OXR1: variants seen among roughly 807,000 people sequenced by gnomAD.
The protein encoded by OXR1 is oxidation resistance protein 1.
Under a neutral mutation model 104.6 loss-of-function variants are expected in OXR1, and 41 were observed. The ratio of observed to expected loss-of-function variants is 0.39; its 90% CI spans 0.31 to 0.51. OXR1 has a LOEUF of 0.51. Among genes scored for constraint, OXR1 ranks in the 20% least tolerant of loss-of-function variants. OXR1 has a pLI of 0.77. For synonymous variants in OXR1, 348 were observed against 348.4 expected (o/e 1.00, Z 0.01); for missense variants, 955 against 1,031.9 (o/e 0.93, Z 1.02).
chr8:106,350,997 T>C (rs1815701835), intron 1 of OXR1, among the ~76,000 whole-genome samples: 1 of 152,228 alleles, frequency 6.6e-6, no homozygotes, highest in South Asian at 2.1e-4. Context: ...CCATAATTAA[T>C]ATTCAAGTTT....
intron 1 of OXR1, among the ~76,000 whole-genome samples, chr8:106,315,546 T>G (rs886727354): frequency 2.6e-5 from 4 of 152,214 alleles, no homozygotes; most frequent in Non-Finnish European, 5.9e-5. Context: ...GACAATGTTT[T>G]TACTCATTTA....
chr8:106,729,641 C>A (rs1008204438), intron 11 of OXR1, among the ~76,000 whole-genome samples: 1 of 151,816 alleles, frequency 6.6e-6, no homozygotes, highest in African/African-American at 2.4e-5. Context: ...AGTGAAACAT[C>A]TTCTGCTCTC....
chr8:106,342,596 C>G (rs959397139), intron 1 of OXR1, among the ~76,000 whole-genome samples: 1 of 152,002 alleles, frequency 6.6e-6, no homozygotes, highest in African/African-American at 2.4e-5. Flanking sequence ...TTTTCTCTCT[C>G]TACTGGCTCT....
At chr8:106,593,983 G>A (rs575550329) in intron 3 of OXR1, among the ~76,000 whole-genome samples, 7 of 152,210 alleles carry the variant, frequency 4.6e-5, no homozygotes, top group Non-Finnish European at 1.0e-4. Flanking sequence ...GGGAAACAAA[G>A]CGTAGATGAC....
intron 2 of OXR1, among the ~76,000 whole-genome samples, chr8:106,384,778 C>T (rs191936521): frequency 6.7e-6 from 1 of 149,466 alleles, no homozygotes; most frequent in Non-Finnish European, 1.5e-5. Flanking sequence ...GTTGGCCAGG[C>T]TGGAGTGCTC....
chr8:106,526,628 C>T (rs777157878), intron 3 of OXR1, among the ~76,000 whole-genome samples: 60 of 152,146 alleles, frequency 3.9e-4, no homozygotes, highest in Middle Eastern at 3.2e-3. Context: ...CTGCAAGCTC[C>T]GCCTCCCGGG....
intron 1 of OXR1, among the ~76,000 whole-genome samples, chr8:106,295,319 C>T (rs1331929880): frequency 6.6e-6 from 1 of 152,036 alleles, no homozygotes; most frequent in Admixed American, 6.6e-5. Context: ...TAAAAGAGAG[C>T]AACTGGCATG....
At chr8:106,363,704 C>T (rs1445552242) in intron 2 of OXR1, among the ~76,000 whole-genome samples, 1 of 152,048 alleles carries the variant, frequency 6.6e-6, no homozygotes, top group Non-Finnish European at 1.5e-5. Flanking sequence ...CATTGCAGGG[C>T]AGTAGTGTTG....
chr8:106,337,207 C>T (rs978603855), intron 1 of OXR1, among the ~76,000 whole-genome samples: 16 of 151,932 alleles, frequency 1.1e-4, no homozygotes, highest in Non-Finnish European at 2.1e-4. Context: ...TGAGTCAGAA[C>T]AATTTGGAAG....
At chr8:106,662,650 G>T (rs1825876007) in intron 3 of OXR1, among the ~76,000 whole-genome samples, 2 of 152,142 alleles carry the variant, frequency 1.3e-5, no homozygotes, top group Non-Finnish European at 2.9e-5. Context: ...AGGGTACTGA[G>T]GTTCATTAAT....
intron 3 of OXR1, among the ~76,000 whole-genome samples, chr8:106,663,020 C>A (rs1825924646): frequency 6.6e-6 from 1 of 152,036 alleles, no homozygotes. Flanking sequence ...TTGGGATGCT[C>A]AATCAGTAAT....
At chr8:106,302,717 G>A (rs1388913595) in intron 1 of OXR1, among the ~76,000 whole-genome samples, 1 of 152,050 alleles carries the variant, frequency 6.6e-6, no homozygotes, top group African/African-American at 2.4e-5. Flanking sequence ...GGGGAAGAAA[G>A]GGAAAAACAA....
chr8:106,699,603 C>G (rs752821679), intron 7 of OXR1, among the ~76,000 whole-genome samples: 3 of 152,112 alleles, frequency 2.0e-5, no homozygotes, highest in Non-Finnish European at 4.4e-5. Flanking sequence ...AGCATTAGTT[C>G]TTGACTAGAA....
chr8:106,700,833 G>A (rs1830524246), intron 7 of OXR1, among the ~76,000 whole-genome samples: 1 of 152,100 alleles, frequency 6.6e-6, no homozygotes, highest in African/African-American at 2.4e-5. Context: ...TTATGAAATG[G>A]AGAGTAACCT....
chr8:106,617,075 G>A (rs985701600), intron 3 of OXR1, among the ~76,000 whole-genome samples: 1 of 152,208 alleles, frequency 6.6e-6, no homozygotes, highest in African/African-American at 2.4e-5. Context: ...TAAACAGTAA[G>A]TCAGAAGCAG....
At chr8:106,328,539 G>A (rs1256776374) in intron 1 of OXR1, among the ~76,000 whole-genome samples, 2 of 152,206 alleles carry the variant, frequency 1.3e-5, no homozygotes, top group African/African-American at 2.4e-5. Context: ...CGGTCCTGCT[G>A]TATTCTGGGA....
At chr8:106,427,806 A>T (rs1819194942) in intron 2 of OXR1, among the ~76,000 whole-genome samples, 1 of 152,210 alleles carries the variant, frequency 6.6e-6, no homozygotes. Flanking sequence ...TAGAATAAAC[A>T]GTCGGACACC....
chr8:106,625,557 G>A (rs980039213), intron 3 of OXR1, among the ~76,000 whole-genome samples: 1 of 152,128 alleles, frequency 6.6e-6, no homozygotes, highest in African/African-American at 2.4e-5. Flanking sequence ...TATTCTGCTG[G>A]GTGGCTAGTT....
At chr8:106,280,343 A>G (rs571384711) in intron 1 of OXR1, among the ~76,000 whole-genome samples, 5 of 152,228 alleles carry the variant, frequency 3.3e-5, no homozygotes, top group Non-Finnish European at 7.3e-5. Flanking sequence ...TCTAGAGGCT[A>G]GAAGTCTAAA....
Sources: gnomAD v4.1 joint callset for allele counts (sites outside exome capture counted in the v4.1 genomes callset) on GRCh38, gnomAD v4.1.1 for gene constraint, MANE v1.5 for transcripts, NCBI Gene and HGNC (gene_info 2026-07-23, HGNC 2026-07-21) for gene names.